ZNF787: variants seen among roughly 807,000 people sequenced by gnomAD.
ZNF787 encodes zinc finger protein 787.
Under a neutral mutation model 16.9 loss-of-function variants are expected in ZNF787, and 7 were observed. The ratio of observed to expected loss-of-function variants is 0.42; its 90% CI spans 0.24 to 0.78. The LOEUF is 0.78. Among genes scored for constraint, ZNF787 ranks in the 30% least tolerant of loss-of-function variants. The probability of loss-of-function intolerance (pLI) is 0.30; values close to 1 mark genes in which losing one functional copy is unlikely to be tolerated. For synonymous variants in ZNF787, 345 were observed against 270.9 expected (o/e 1.27, Z -2.69); for missense variants, 551 against 589.3 (o/e 0.94, Z 0.67).
chr19:56,115,414 A>G (rs1313027508), intron 1 of ZNF787, among the ~76,000 whole-genome samples: 3 of 136,290 alleles, frequency 2.2e-5, no homozygotes, highest in South Asian at 2.3e-4. Flanking sequence ...GCTGGAGTGC[A>G]GTGGCGCGAT....
At chr19:56,110,311 G>GA (rs1320957354) in intron 1 of ZNF787, among the ~76,000 whole-genome samples, 1 of 149,990 alleles carries the variant, frequency 6.7e-6, no homozygotes, top group Admixed American at 6.7e-5. Flanking sequence ...AGTGAGCTGA[G>GA]ATCACACGCC....
intron 2 of ZNF787, among the ~76,000 whole-genome samples, chr19:56,089,766 A>G (rs201689824): frequency 6.6e-6 from 1 of 152,302 alleles, no homozygotes; most frequent in East Asian, 1.9e-4. Context: ...CTGCTCAGTG[A>G]GGACAATTCG....
intron 1 of ZNF787, among the ~76,000 whole-genome samples, chr19:56,115,421 C>T (rs935338271): frequency 2.1e-5 from 3 of 145,610 alleles, no homozygotes; most frequent in East Asian, 2.0e-4. Flanking sequence ...TGCAGTGGCG[C>T]GATCTCGGCT....
At chr19:56,115,515 C>T (rs1274723043) in intron 1 of ZNF787, among the ~76,000 whole-genome samples, 34 of 152,118 alleles carry the variant, frequency 2.2e-4, no homozygotes, top group Non-Finnish European at 7.4e-5. Flanking sequence ...CCCACCACCA[C>T]GCCCGGCTAA....
chr19:56,095,258 C>T (rs1241449602), intron 2 of ZNF787, among the ~76,000 whole-genome samples: 1 of 152,200 alleles, frequency 6.6e-6, no homozygotes, highest in Non-Finnish European at 1.5e-5. Flanking sequence ...CTCACCTCCC[C>T]AAGTGTGGCC....
chr19:56,109,840 C>T (rs984540504), intron 1 of ZNF787, among the ~76,000 whole-genome samples: 2 of 151,932 alleles, frequency 1.3e-5, no homozygotes, highest in Non-Finnish European at 2.9e-5. Context: ...GCCGAGATCA[C>T]GCCACTGCAC....
intron 1 of ZNF787, among the ~76,000 whole-genome samples, chr19:56,113,731 G>A (rs1284724990): frequency 6.6e-6 from 1 of 152,130 alleles, no homozygotes; most frequent in Admixed American, 6.5e-5. Context: ...TGCTGAAGAT[G>A]CACGGCGTTT....
In ZNF787 at chr19:56,087,920, C is replaced by G. The variant is rs1297474616; in HGVS notation, c.*103G>C. The G allele has an allele frequency of 3.1e-6, 4 of 1,281,276 alleles. No homozygotes were observed. In the East Asian group the frequency reaches 1.4e-4, roughly 46 times the overall value. The allele number at this position is 1,281,276 out of a possible 1,614,324, so 79.4% of individuals were successfully genotyped here. A position where few individuals can be genotyped will look rare whatever the true frequency, so the allele number is the denominator to read the frequency against. On this transcript the variant is annotated 3_prime_UTR_variant, in exon 3 of 3. Transcript: ENST00000610935. ...CGGGGAGCCGGGGATGCCGCGGGGT[C>G]CATCGCACCCCGTCCGCTTCTCCCT...
chr19:56,087,913 G>A lies in ZNF787; in HGVS notation c.*110C>T, dbSNP rs564160359. 4,523 of 1,275,686 alleles carry A rather than the reference G, an allele frequency of 3.5e-3. 18 individuals carry two copies. The highest frequency in any genetic ancestry group is 6.7e-3 in the Middle Eastern group (22 of 3,264). The allele number at this position is 1,275,686 out of a possible 1,614,324, so 79.0% of individuals were successfully genotyped here. A position where few individuals can be genotyped will look rare whatever the true frequency, so the allele number is the denominator to read the frequency against. On this transcript the variant is annotated 3_prime_UTR_variant, in exon 3 of 3. Coordinates refer to ENST00000610935, the MANE Select transcript of ZNF787 (RefSeq NM_001002836.4). ...AGGAGGGCGGGGAGCCGGGGATGCC[G>A]CGGGGTCCATCGCACCCCGTCCGCT...
intron 2 of ZNF787, among the ~76,000 whole-genome samples, chr19:56,092,255 G>A (rs1320125960): frequency 6.6e-6 from 1 of 152,248 alleles, no homozygotes; most frequent in Non-Finnish European, 1.5e-5. Flanking sequence ...CCTTGGGGGA[G>A]GGCAGTGTCC....
rs1568529574 is a variant in ZNF787 at position 56,103,129 on chromosome 19, G to A, written c.79+10C>T. The A allele has an allele frequency of 6.2e-7, 1 of 1,612,156 alleles. No homozygotes were observed. The highest frequency in any genetic ancestry group is 2.2e-5 in the East Asian group (1 of 44,840). Reference sequence around the variant, plus strand: ...AGCGGGGTCGGCTGGGAAGGCCTCTGGCTGCTCACCTGGGTTCTCGTGACT... The same window carrying A: ...AGCGGGGTCGGCTGGGAAGGCCTCTAGCTGCTCACCTGGGTTCTCGTGACT... On this transcript the variant is annotated intron_variant, in intron 2 of 2. Transcript: ENST00000610935.
Position 56,087,914 on chromosome 19 carries a change from C to G in ZNF787, c.*109G>C. 1 of 1,278,208 alleles carries G rather than the reference C, an allele frequency of 7.8e-7. No individual in the cohort carries two copies. The highest frequency in any genetic ancestry group is 2.2e-5 in the South Asian group (1 of 45,300). The allele number at this position is 1,278,208 out of a possible 1,614,324, so 79.2% of individuals were successfully genotyped here. ...GGAGGGCGGGGAGCCGGGGATGCCG[C>G]GGGGTCCATCGCACCCCGTCCGCTT... On this transcript the variant is annotated 3_prime_UTR_variant, in exon 3 of 3. Transcript: ENST00000610935.
At chr19:56,096,788 G>A (rs377272875) in intron 2 of ZNF787, among the ~76,000 whole-genome samples, 6 of 152,070 alleles carry the variant, frequency 3.9e-5, no homozygotes, top group Non-Finnish European at 5.9e-5. Flanking sequence ...CATGGAGCCC[G>A]TGCTCACCCG....
At chr19:56,098,338 T>C (rs896914352) in intron 2 of ZNF787, among the ~76,000 whole-genome samples, 12 of 152,226 alleles carry the variant, frequency 7.9e-5, no homozygotes, top group African/African-American at 2.9e-4. Flanking sequence ...GAGGCCTGCC[T>C]GGGAGCTTCA....
chr19:56,120,507 G>A (rs1160631532), intron 1 of ZNF787, among the ~76,000 whole-genome samples: 1 of 152,184 alleles, frequency 6.6e-6, no homozygotes, highest in African/African-American at 2.4e-5. Context: ...CTCCCCGCCT[G>A]CCGAGCAAGG....
At chr19:56,113,688 C>T (rs2030047185) in intron 1 of ZNF787, among the ~76,000 whole-genome samples, 12 of 50,904 alleles carry the variant, frequency 2.4e-4, no homozygotes, top group Non-Finnish European at 1.8e-4. Flanking sequence ...GGAACCGGGA[C>T]GCAGGGAGGC....
At chr19:56,112,844 G>A (rs1462162806) in intron 1 of ZNF787, among the ~76,000 whole-genome samples, 2 of 151,862 alleles carry the variant, frequency 1.3e-5, no homozygotes, top group African/African-American at 4.8e-5. Context: ...TTTGTGGGGC[G>A]GGGGAGGAGC....
At chr19:56,092,006 C>CG (rs1438982391) in intron 2 of ZNF787, among the ~76,000 whole-genome samples, 22 of 131,668 alleles carry the variant, frequency 1.7e-4, no homozygotes, top group African/African-American at 5.8e-4. Context: ...AAACGGAAGC[C>CG]AAAGCCGAAA....
At chr19:56,120,764 C>A (rs2030269706) in intron 1 of ZNF787, among the ~76,000 whole-genome samples, 1 of 151,530 alleles carries the variant, frequency 6.6e-6, no homozygotes, top group African/African-American at 2.4e-5. Flanking sequence ...CACTTCCGGC[C>A]ACGACCGGCG....
Sources: gnomAD v4.1 joint callset for allele counts (sites outside exome capture counted in the v4.1 genomes callset) on GRCh38, gnomAD v4.1.1 for gene constraint, MANE v1.5 for transcripts, NCBI Gene and HGNC (gene_info 2026-07-23, HGNC 2026-07-21) for gene names.